Variants in CNOT8 observed in about 807,000 individuals in gnomAD.
CNOT8 encodes CAF1-like protein.
A neutral mutation model predicts 34.6 loss-of-function variants in CNOT8; 18 were observed. The observed-to-expected ratio is 0.52, with a 90% CI of 0.36 to 0.77. The LOEUF is 0.77. CNOT8 is among the 30% of genes least tolerant of loss of function. The pLI, the probability that CNOT8 is intolerant of heterozygous loss-of-function variation, is 0.00. For missense variants in CNOT8, 189 were observed against 347.9 expected (o/e 0.54, Z 3.63); for synonymous variants, 101 against 118.8 (o/e 0.85, Z 0.98).
At chr5:154,871,550 ACT>A (rs1172619265) in intron 4 of CNOT8, among the ~76,000 whole-genome samples, 178 bp from the exon 5 acceptor site, 1 of 132,540 alleles carries the variant, frequency 7.5e-6, no homozygotes. Flanking sequence ...ACAGAGTAAG[ACT>A]CTGTCTCAAA....
At position 154,873,520 on chromosome 5, in the gene CNOT8, G is replaced by GT. The variant is rs370292847; in HGVS notation, c.729+870dup. The stretch of plus-strand genomic sequence containing the variant: ...ATATTGAATTTACTATAACCCCTTA[G>GT]TAAAAATTAGACTCTTAATTTCTTC... On this transcript the variant is annotated intron_variant, in intron 6 of 6. Transcript: ENST00000285896. 2.2e-3 allele frequency among the ~76,000 whole-genome samples: 336 copies of GT among 152,222 alleles called. 2 individuals carry two copies. Among genetic ancestry groups the GT allele is most frequent in the African/African-American group, 7.9e-3 (330 of 41,522 alleles).
chr5:154,865,058 A>G lies in CNOT8; in HGVS notation c.118-134A>G, dbSNP rs528799247. 454 of 773,532 alleles carry G rather than the reference A, an allele frequency of 5.9e-4. 1 individual carries two copies. The highest frequency in any genetic ancestry group is 8.6e-4 in the Non-Finnish European group (411 of 476,942). 47.9% of individuals were successfully genotyped at this position (773,532 alleles called of 1,614,324 possible). A position where few individuals can be genotyped will look rare whatever the true frequency, so the allele number is the denominator to read the frequency against. ...CCAACCCTATCTCAAAAAAACACAAAAAGAATTTTGTGCCCAAGTTTGGGG... is the reference window on the plus strand; with the variant it reads ...CCAACCCTATCTCAAAAAAACACAAGAAGAATTTTGTGCCCAAGTTTGGGG... On this transcript the variant is annotated intron_variant, in intron 2 of 6. Coordinates refer to ENST00000285896, the MANE Select transcript of CNOT8 (RefSeq NM_001301073.2).
At position 154,875,606 on chromosome 5, in the gene CNOT8, T is replaced by G. The variant is rs2113420970; in HGVS notation, c.*167T>G. The G allele has an allele frequency of 1.4e-6, 1 of 723,086 alleles. No homozygotes were observed. Among genetic ancestry groups the G allele is most frequent in the Non-Finnish European group, 2.2e-6 (1 of 463,782 alleles). The allele number at this position is 723,086 out of a possible 1,614,324, so 44.8% of individuals were successfully genotyped here. The stretch of plus-strand genomic sequence containing the variant: ...ACTGAAGACAAAAGATGTTTTTATT[T>G]TAGACCCAGAAGAGAGGAGTTTGCT... On this transcript the variant is annotated 3_prime_UTR_variant, in exon 7 of 7. Coordinates refer to ENST00000285896, the MANE Select transcript of CNOT8 (RefSeq NM_001301073.2).
At position 154,875,588 on chromosome 5, in the gene CNOT8, A is replaced by T; in HGVS notation, c.*149A>T. On this transcript the variant is annotated 3_prime_UTR_variant, in exon 7 of 7. Coordinates refer to ENST00000285896, the MANE Select transcript of CNOT8 (RefSeq NM_001301073.2). The stretch of plus-strand genomic sequence containing the variant: ...CAGAAAGACTTTTGTTTTACTGAAG[A>T]CAAAAGATGTTTTTATTTTAGACCC... 1.2e-6 allele frequency: 1 copy of T among 827,210 alleles called. No homozygotes were observed. The highest frequency in any genetic ancestry group is 1.8e-6 in the Non-Finnish European group (1 of 556,922). The allele number at this position is 827,210 out of a possible 1,614,324, so 51.2% of individuals were successfully genotyped here.
At chr5:154,864,169 T>G (rs1012785126) in intron 2 of CNOT8, among the ~76,000 whole-genome samples, 1 of 152,098 alleles carries the variant, frequency 6.6e-6, no homozygotes, top group African/African-American at 2.4e-5. Flanking sequence ...GCTTTAGAAA[T>G]TATAGAGTTG....
At chr5:154,870,422 T>G in intron 3 of CNOT8, 1 of 341,866 alleles carries the variant, frequency 2.9e-6, no homozygotes. Context: ...TGAGCAAATG[T>G]ATACCTATTA....
At chr5:154,871,652 C>A in intron 4 of CNOT8, 78 bp from the exon 5 acceptor site, 2 of 1,366,840 alleles carry the variant, frequency 1.5e-6, no homozygotes, top group Non-Finnish European at 1.0e-6. Flanking sequence ...CATTTACAAG[C>A]TTTGAGAAAT....
intron 2 of CNOT8, among the ~76,000 whole-genome samples, chr5:154,863,919 TCACTTGAA>T: frequency 1.3e-5 from 2 of 152,136 alleles, no homozygotes; most frequent in South Asian, 2.1e-4. Context: ...TCAATAGAAC[TCACTTGAA>T]TTCCAGATTT....
At chr5:154,875,100 AG>A (rs1015345065) in intron 6 of CNOT8, among the ~76,000 whole-genome samples, 189 bp from the exon 7 acceptor site, 1 of 151,978 alleles carries the variant, frequency 6.6e-6, no homozygotes. Flanking sequence ...TACTTTTAGT[AG>A]AGATGGGGTT....
At chr5:154,869,624 GTGT>G (rs1762269371) in intron 3 of CNOT8, among the ~76,000 whole-genome samples, 1 of 123,836 alleles carries the variant, frequency 8.1e-6, no homozygotes, top group Admixed American at 8.2e-5. Context: ...TTGTTTTTTT[GTGT>G]TTTTTTTTTT....
chr5:154,864,396 T>C (rs1260493716), intron 2 of CNOT8, among the ~76,000 whole-genome samples: 1 of 151,650 alleles, frequency 6.6e-6, no homozygotes, highest in African/African-American at 2.4e-5. Context: ...AGGCAGAGCT[T>C]GCAGTGAGCC....
intron 5 of CNOT8, 99 bp downstream of exon 5, chr5:154,871,973 T>A: frequency 1.0e-6 from 1 of 960,902 alleles, no homozygotes; most frequent in Non-Finnish European, 1.6e-6. Context: ...TTTTGAGTAC[T>A]AGATGCTAGT....
At chr5:154,868,939 G>A (rs577180568) in intron 3 of CNOT8, among the ~76,000 whole-genome samples, 25 of 152,092 alleles carry the variant, frequency 1.6e-4, no homozygotes, top group Non-Finnish European at 3.5e-4. Context: ...TTTTGCTCAT[G>A]GGCCTTGGAT....
intron 3 of CNOT8, among the ~76,000 whole-genome samples, chr5:154,866,747 T>C (rs1279969952): frequency 6.6e-6 from 1 of 152,048 alleles, no homozygotes; most frequent in Non-Finnish European, 1.5e-5. Context: ...ACCCCATCTC[T>C]ACTAAAAATA....
chr5:154,867,657 T>G, intron 3 of CNOT8: 1 of 264,892 alleles, frequency 3.8e-6, no homozygotes. Flanking sequence ...ACTTAATTTC[T>G]TTCTTTCTTC....
intron 3 of CNOT8, chr5:154,867,637 GA>G: frequency 7.8e-6 from 2 of 256,156 alleles, no homozygotes; most frequent in Non-Finnish European, 1.6e-5. Flanking sequence ...AAGCATTAGG[GA>G]AAAAGAAAAC....
chr5:154,872,732 T>G, intron 6 of CNOT8, 81 bp downstream of exon 6: 1 of 575,436 alleles, frequency 1.7e-6, no homozygotes, highest in Non-Finnish European at 2.9e-6. Context: ...GTCTGTTATG[T>G]GGGCTGAGGT....
chr5:154,864,444 C>T (rs963919026), intron 2 of CNOT8, among the ~76,000 whole-genome samples: 4 of 150,330 alleles, frequency 2.7e-5, no homozygotes, highest in South Asian at 2.1e-4. Context: ...GGGGACAGAG[C>T]GAGACTCCGT....
chr5:154,868,333 A>T (rs981760879), intron 3 of CNOT8, among the ~76,000 whole-genome samples: 1 of 142,482 alleles, frequency 7.0e-6, no homozygotes, highest in Non-Finnish European at 1.5e-5. Flanking sequence ...CAGTGGTGCA[A>T]TCTCGGCTCA....
Sources: gnomAD v4.1 joint callset for allele counts (sites outside exome capture counted in the v4.1 genomes callset) on GRCh38, gnomAD v4.1.1 for gene constraint, MANE v1.5 for transcripts, NCBI Gene and HGNC (gene_info 2026-07-23, HGNC 2026-07-21) for gene names.